Variants in YIPF7 observed in about 807,000 individuals in gnomAD.
The protein encoded by YIPF7 is protein YIPF7.
In YIPF7, 35 loss-of-function variants were observed where a neutral mutation model predicts 27.2. The observed-to-expected ratio is 1.29, with a 90% CI of 0.98 to 1.70. The LOEUF (loss-of-function observed/expected upper bound fraction) is 1.70, where lower values mean the gene tolerates loss of function less well. YIPF7 is among the 40% of genes most tolerant of loss of function. YIPF7 has a pLI of 0.00. For missense variants in YIPF7, 358 were observed against 303.7 expected (o/e 1.18, Z -1.33); for synonymous variants, 137 against 110.4 (o/e 1.24, Z -1.51).
chr4:44,656,477 A>G (rs1713904581), upstream of YIPF7, among the ~76,000 whole-genome samples: 1 of 152,070 alleles, frequency 6.6e-6, no homozygotes, highest in Non-Finnish European at 1.5e-5. Context: ...TAATGAATAT[A>G]TAACTTTTAT....
chr4:44,647,421 T>C (rs1313373150), intron 2 of YIPF7, among the ~76,000 whole-genome samples: 1 of 152,080 alleles, frequency 6.6e-6, no homozygotes, highest in African/African-American at 2.4e-5. Context: ...GAAAAGAGGG[T>C]TGAGAAAAGA....
At chr4:44,632,288 T>C (rs1310704017) in intron 3 of YIPF7, among the ~76,000 whole-genome samples, 1 of 152,212 alleles carries the variant, frequency 6.6e-6, no homozygotes, top group African/African-American at 2.4e-5. Context: ...ATTTATTGTT[T>C]TGCTGTCATC....
intron 2 of YIPF7, among the ~76,000 whole-genome samples, chr4:44,642,362 A>G (rs552828114): frequency 6.6e-6 from 1 of 152,330 alleles, no homozygotes; most frequent in South Asian, 2.1e-4. Flanking sequence ...AGGAAAACAC[A>G]TAATTATTCA....
In YIPF7 at chr4:44,631,834, A is replaced by T. The variant is rs78044671; in HGVS notation, c.281-2286T>A. Among the ~76,000 whole-genome samples the T allele has an allele frequency of 1.6e-4, 24 of 152,310 alleles. No individual in the cohort carries two copies. In the East Asian group the frequency reaches 4.4e-3, roughly 28 times the overall value. ...AATTAATTAATTTTAAATTAATTTC[A>T]CCAGAAATTTATGCGCTCAAACTTT... On this transcript the variant is annotated intron_variant, in intron 3 of 5. Transcript: ENST00000415895.
chr4:44,643,857 C>A (rs148922723), intron 2 of YIPF7, among the ~76,000 whole-genome samples: 4 of 152,244 alleles, frequency 2.6e-5, no homozygotes, highest in Admixed American at 2.6e-4. Flanking sequence ...GAAGCTCCAC[C>A]TAGATTCCAG....
chr4:44,631,594 T>A (rs1712900558), intron 3 of YIPF7, among the ~76,000 whole-genome samples: 1 of 152,128 alleles, frequency 6.6e-6, no homozygotes, highest in Non-Finnish European at 1.5e-5. Context: ...TATTTTAAGC[T>A]TGAAAAAAAA....
chr4:44,623,191 A>C (rs769832430), intron 5 of YIPF7, among the ~76,000 whole-genome samples: 2 of 152,228 alleles, frequency 1.3e-5, no homozygotes, highest in Non-Finnish European at 2.9e-5. Flanking sequence ...GTCTTCAAAA[A>C]GTAACTGTGG....
chr4:44,659,516 G>A (rs1269733648), intron 2 of YIPF7, among the ~76,000 whole-genome samples: 3 of 151,954 alleles, frequency 2.0e-5, no homozygotes, highest in African/African-American at 4.8e-5. Context: ...GCAAAGAAAC[G>A]ACCAATTCAT....
chr4:44,657,425 C>A lies in YIPF7; in HGVS notation c.-2+3024G>T, dbSNP rs78559113. ...AATGTTTTAAATACAATTGAATCTT[C>A]TTTTAAAACAAATATAGTTGACTGT... is the stretch of plus-strand genomic sequence containing the variant. On this transcript the variant is annotated intron_variant, in intron 2 of 2. Transcript: ENST00000508947. Among the ~76,000 whole-genome samples, 8 of 152,272 alleles carry A rather than the reference C, an allele frequency of 5.3e-5. No individual in the cohort carries two copies. The East Asian group carries it at 1.3e-3, about 26-fold the overall frequency.
chr4:44,626,525 G>A (rs758728823), intron 4 of YIPF7, among the ~76,000 whole-genome samples: 2 of 152,114 alleles, frequency 1.3e-5, no homozygotes, highest in Non-Finnish European at 2.9e-5. Context: ...AGTAGATGAA[G>A]CTAATTTGGT....
At chr4:44,645,382 A>C (rs941635429) in intron 2 of YIPF7, among the ~76,000 whole-genome samples, 33 of 152,200 alleles carry the variant, frequency 2.2e-4, no homozygotes, top group Non-Finnish European at 4.4e-4. Flanking sequence ...TCATGAAAAA[A>C]GTCTCTGAGA....
At chr4:44,624,044 T>G (rs1712531305) in intron 5 of YIPF7, among the ~76,000 whole-genome samples, 1 of 151,570 alleles carries the variant, frequency 6.6e-6, no homozygotes, top group Admixed American at 6.6e-5. Flanking sequence ...AAGTGCCAGT[T>G]TTTTTTTCTC....
Position 44,622,177 on chromosome 4 carries a change from G to A in YIPF7, c.*237C>T. 1 of 515,598 alleles carries A rather than the reference G, an allele frequency of 1.9e-6. No homozygotes were observed. Among genetic ancestry groups the A allele is most frequent in the South Asian group, 2.4e-5 (1 of 41,518 alleles). The allele number at this position is 515,598 out of a possible 1,614,324, so 31.9% of individuals were successfully genotyped here. ...AGCAGGGTTGATCAGTACAGCAACTGTATCCCTTTTGATTTTAAGTATTTT... is the reference window on the plus strand; with the variant it reads ...AGCAGGGTTGATCAGTACAGCAACTATATCCCTTTTGATTTTAAGTATTTT... On this transcript the variant is annotated 3_prime_UTR_variant, in exon 6 of 6. Coordinates refer to ENST00000415895, the MANE Select transcript of YIPF7 (RefSeq NM_182592.3).
At chr4:44,635,209 C>T (rs564932839) in intron 3 of YIPF7, among the ~76,000 whole-genome samples, 2 of 152,088 alleles carry the variant, frequency 1.3e-5, no homozygotes, top group South Asian at 4.2e-4. Flanking sequence ...TGGGTTTTAG[C>T]GTCTTAACGC....
At position 44,659,250 on chromosome 4, in the gene YIPF7, TACA is replaced by T. The variant is rs1356477562; in HGVS notation, c.-2+1196_-2+1198del. 2.5e-3 allele frequency among the ~76,000 whole-genome samples: 382 copies of T among 152,288 alleles called. 1 individual carries two copies. The highest frequency in any genetic ancestry group is 4.0e-3 in the Non-Finnish European group (270 of 68,024). Reference sequence around the variant, plus strand: ...ATATTTTTTAACTTAAGCTTGCCCTTACAATATGCACACATGGCTTCAAAGTCA... The same window carrying T: ...ATATTTTTTAACTTAAGCTTGCCCTTATATGCACACATGGCTTCAAAGTCA... On this transcript the variant is annotated intron_variant, in intron 2 of 2. Transcript: ENST00000508947.
chr4:44,651,524 C>A lies in YIPF7; in HGVS notation c.-2+30G>T, dbSNP rs914960344. ...CCGAGCTTTGTATTTTGTTTAAATG[C>A]CAAGTCTTTTAGAAGGATCAGACAC... On this transcript the variant is annotated intron_variant, in intron 1 of 5. Transcript: ENST00000415895. The A allele has an allele frequency of 5.4e-6, 8 of 1,494,676 alleles. No individual in the cohort carries two copies. In the African/African-American group the frequency reaches 8.4e-5, roughly 16 times the overall value. The allele number at this position is 1,494,676 out of a possible 1,614,324, so 92.6% of individuals were successfully genotyped here. A position where few individuals can be genotyped will look rare whatever the true frequency, so the allele number is the denominator to read the frequency against.
At chr4:44,658,215 T>C (rs190600863) in intron 2 of YIPF7, among the ~76,000 whole-genome samples, 39 of 152,224 alleles carry the variant, frequency 2.6e-4, no homozygotes, top group African/African-American at 6.7e-4. Flanking sequence ...GATGGAGCCC[T>C]CATGAATGAG....
At chr4:44,632,780 TC>T (rs1200014752) in intron 3 of YIPF7, among the ~76,000 whole-genome samples, 2 of 152,192 alleles carry the variant, frequency 1.3e-5, no homozygotes, top group Non-Finnish European at 2.9e-5. Context: ...CTTGAGGCTT[TC>T]ACAAGTCACT....
chr4:44,642,224 A>T (rs1185538763), intron 2 of YIPF7, among the ~76,000 whole-genome samples: 1 of 152,200 alleles, frequency 6.6e-6, no homozygotes, highest in Non-Finnish European at 1.5e-5. Flanking sequence ...CTTCAAAGAG[A>T]AACAAAATTT....
Sources: gnomAD v4.1 joint callset for allele counts (sites outside exome capture counted in the v4.1 genomes callset) on GRCh38, gnomAD v4.1.1 for gene constraint, MANE v1.5 for transcripts, NCBI Gene and HGNC (gene_info 2026-07-23, HGNC 2026-07-21) for gene names.